GRM8: variants seen among roughly 807,000 people sequenced by gnomAD.
The protein encoded by GRM8 is metabotropic glutamate receptor 8.
A neutral mutation model predicts 87.2 loss-of-function variants in GRM8; 47 were observed. The observed-to-expected ratio is 0.54, with a 90% CI of 0.43 to 0.69. GRM8 has a LOEUF of 0.69. Among genes scored for constraint, GRM8 ranks in the 30% least tolerant of loss-of-function variants. The pLI is 0.00. For synonymous variants in GRM8, 396 were observed against 404.5 expected (o/e 0.98, Z 0.25); for missense variants, 1,019 against 1,139.2 (o/e 0.89, Z 1.52).
At chr7:126,756,238 C>T (rs10215498) in intron 7 of GRM8, among the ~76,000 whole-genome samples, 59,345 of 151,800 alleles carry the variant, frequency 0.39, 12,792 homozygotes, top group Non-Finnish European at 0.48. Flanking sequence ...TAGGCACAGA[C>T]CTTATTCTCT....
chr7:127,082,918 G>A (rs992476895), intron 3 of GRM8, among the ~76,000 whole-genome samples: 11 of 152,186 alleles, frequency 7.2e-5, no homozygotes, highest in Non-Finnish European at 1.5e-4. Flanking sequence ...AGCGGGATCG[G>A]AACCCAGGCA....
At chr7:127,040,639 A>G (rs1489315237) in intron 3 of GRM8, among the ~76,000 whole-genome samples, 1 of 151,886 alleles carries the variant, frequency 6.6e-6, no homozygotes, top group Non-Finnish European at 1.5e-5. Flanking sequence ...ACCCAAATTA[A>G]TAATGTAAAT....
In GRM8 at chr7:126,944,379, G is replaced by A. The variant is rs1334966023; in HGVS notation, c.728-39696C>T. Among the ~76,000 whole-genome samples the A allele has an allele frequency of 2.6e-5, 4 of 152,286 alleles. 1 individual carries two copies. Among genetic ancestry groups the A allele is most frequent in the Admixed American group, 2.6e-4 (4 of 15,298 alleles). On this transcript the variant is annotated intron_variant, in intron 3 of 10. Transcript: ENST00000339582. ...AATACAGGCCCTAGAGGCTGGGCCT[G>A]GAGTCCTGGCCTTGGGCTGTGGCCC... is the stretch of plus-strand genomic sequence containing the variant.
At position 127,112,915 on chromosome 7, in the gene GRM8, A is replaced by G. The variant is rs17867765; in HGVS notation, c.511-6203T>C. Among the ~76,000 whole-genome samples the G allele has an allele frequency of 6.4e-3, 971 of 152,340 alleles. 4 individuals are homozygous for G. The highest frequency in any genetic ancestry group is 9.6e-3 in the Non-Finnish European group (652 of 68,042). On this transcript the variant is annotated intron_variant, in intron 2 of 10. Coordinates refer to ENST00000339582, the MANE Select transcript of GRM8 (RefSeq NM_000845.3). ...ACATTTCTAATCAAAGGTCAACATC[A>G]TAGATTATTTAATCATTTACCCCTT...
chr7:126,565,129 G>A (rs200935191), intron 8 of GRM8, among the ~76,000 whole-genome samples: 2 of 151,984 alleles, frequency 1.3e-5, no homozygotes, highest in South Asian at 2.1e-4. Flanking sequence ...TTGAAAGATC[G>A]GGACAAAGGC....
At chr7:126,697,925 A>G (rs1036031184) in intron 7 of GRM8, among the ~76,000 whole-genome samples, 6 of 152,220 alleles carry the variant, frequency 3.9e-5, no homozygotes, top group Non-Finnish European at 8.8e-5. Flanking sequence ...GAATTTTTGC[A>G]CAAAACAGTT....
chr7:126,648,583 C>T (rs760397296), intron 7 of GRM8, among the ~76,000 whole-genome samples: 46 of 152,202 alleles, frequency 3.0e-4, no homozygotes, highest in Non-Finnish European at 2.8e-4. Context: ...TCTAACAGGA[C>T]AGATTCATTA....
chr7:126,502,492 G>A (rs1809794077), intron 9 of GRM8, among the ~76,000 whole-genome samples: 1 of 152,078 alleles, frequency 6.6e-6, no homozygotes, highest in Non-Finnish European at 1.5e-5. Context: ...ACTAATTTTA[G>A]AGAAAAATAT....
At chr7:126,527,338 A>T (rs1814015518) in intron 9 of GRM8, among the ~76,000 whole-genome samples, 1 of 152,234 alleles carries the variant, frequency 6.6e-6, no homozygotes, top group South Asian at 2.1e-4. Context: ...AGCCTGGGCA[A>T]CAGAGCGAGA....
At chr7:126,899,928 G>A (rs1044195259) in intron 6 of GRM8, among the ~76,000 whole-genome samples, 22 of 151,932 alleles carry the variant, frequency 1.4e-4, no homozygotes, top group African/African-American at 5.3e-4. Flanking sequence ...TTATCTCTCA[G>A]CTGCAAGTCC....
At chr7:127,113,649 G>T (rs919161937) in intron 2 of GRM8, among the ~76,000 whole-genome samples, 5 of 152,070 alleles carry the variant, frequency 3.3e-5, no homozygotes, top group African/African-American at 7.2e-5. Flanking sequence ...CCCTTAGGGG[G>T]TAGTGCTTGA....
rs532090291 is a variant in GRM8, at chr7:126,532,894, C to G, written c.2430+58G>C. 35 of 993,578 alleles carry G rather than the reference C, an allele frequency of 3.5e-5. No homozygotes were observed. The East Asian group carries it at 8.3e-4, about 24-fold the overall frequency. The allele number at this position is 993,578 out of a possible 1,614,324, so 61.5% of individuals were successfully genotyped here. A position where few individuals can be genotyped will look rare whatever the true frequency, so the allele number is the denominator to read the frequency against. Reference sequence around the variant, plus strand: ...AACCAAATAAAAGGAGGAAAAGCATCCTAAAAGAAGATGTTAAATCCAGGA... The same window carrying G: ...AACCAAATAAAAGGAGGAAAAGCATGCTAAAAGAAGATGTTAAATCCAGGA... On this transcript the variant is annotated intron_variant, in intron 9 of 10. Coordinates refer to ENST00000339582, the MANE Select transcript of GRM8 (RefSeq NM_000845.3).
At chr7:126,494,498 T>C (rs73447009) in intron 9 of GRM8, among the ~76,000 whole-genome samples, 8 of 152,010 alleles carry the variant, frequency 5.3e-5, no homozygotes, top group African/African-American at 1.9e-4. Flanking sequence ...TATTTTTATC[T>C]CTTTAAATAA....
chr7:127,051,739 CAAAAAAA>C (rs59713382), intron 3 of GRM8, among the ~76,000 whole-genome samples: 151 of 58,472 alleles, frequency 2.6e-3, no homozygotes, highest in African/African-American at 5.9e-3. Context: ...TAATGTTGAG[CAAAAAAA>C]AAAAAAAAAA....
rs1454841122 is a variant in GRM8, at chr7:126,902,644, T to C, written c.1054A>G (p.Asn352Asp). The C allele has an allele frequency of 6.2e-7, 1 of 1,609,702 alleles. No individual in the cohort carries two copies. The highest frequency in any genetic ancestry group is 8.5e-7 in the Non-Finnish European group (1 of 1,177,660). ...GCAAACCACACATTTCTTCGATTATTGGCAAGAGTTCGGCTTCTAAAGTAT... is the reference window on the plus strand; with the variant it reads ...GCAAACCACACATTTCTTCGATTATCGGCAAGAGTTCGGCTTCTAAAGTAT... Reference protein sequence around the residue: ...DRYFRSRTLANNRRNVWFAEF... With the variant: ...DRYFRSRTLADNRRNVWFAEF... Residue 352 changes from asparagine to aspartate, a missense_variant, in exon 6 of 11, where the codon AAT becomes GAT. Physicochemically the swap from Asn to Asp is conservative, Grantham distance 23 (BLOSUM62 1). Transcript: ENST00000339582.
chr7:126,597,714 C>T (rs945005661), intron 8 of GRM8, among the ~76,000 whole-genome samples: 4 of 152,008 alleles, frequency 2.6e-5, no homozygotes, highest in Non-Finnish European at 5.9e-5. Context: ...TCTTGCTTCA[C>T]GTTATGTCTT....
At chr7:126,928,564 T>C (rs1805392651) in intron 3 of GRM8, among the ~76,000 whole-genome samples, 2 of 150,682 alleles carry the variant, frequency 1.3e-5, no homozygotes, top group African/African-American at 2.4e-5. Context: ...ACCAGACACT[T>C]GGGGGGCTGA....
chr7:126,965,185 A>G (rs2131717571), intron 3 of GRM8, among the ~76,000 whole-genome samples: 1 of 152,278 alleles, frequency 6.6e-6, no homozygotes, highest in South Asian at 2.1e-4. Flanking sequence ...GAGGAGGGAT[A>G]GCATTAGGAG....
At position 126,904,781 on chromosome 7, in the gene GRM8, A is replaced by C. The variant is rs1203781243; in HGVS notation, c.728-98T>G. 8.5e-6 allele frequency: 9 copies of C among 1,056,852 alleles called. No homozygotes were observed. In the East Asian group the frequency reaches 9.5e-5, roughly 11 times the overall value. 65.5% of individuals were successfully genotyped at this position (1,056,852 alleles called of 1,614,324 possible). On this transcript the variant is annotated intron_variant, in intron 3 of 10. Transcript: ENST00000339582. ...TATAAAAGCACATACTTCTGTATGA[A>C]TATTATTTCTCAAAATATGTGTCAC...
Sources: allele counts gnomAD v4.1 joint callset (sites outside exome capture counted in the v4.1 genomes callset), GRCh38; gene constraint gnomAD v4.1.1; transcripts MANE v1.5; gene names NCBI Gene and HGNC (gene_info 2026-07-23, HGNC 2026-07-21).